The following NETO1 variants were observed in gnomAD, a reference collection of about 807,000 sequenced individuals.
NETO1 encodes the protein neuropilin and tolloid-like protein 1.
A neutral mutation model predicts 61.3 loss-of-function variants in NETO1; 26 were observed. That is an observed-to-expected ratio of 0.42 (90% CI 0.31 to 0.59). The LOEUF is 0.59. NETO1 is among the 20% of genes least tolerant of loss of function. The probability of loss-of-function intolerance (pLI) is 0.12; values close to 1 mark genes in which losing one functional copy is unlikely to be tolerated. For missense variants in NETO1, 531 were observed against 662.8 expected (o/e 0.80, Z 2.18); for synonymous variants, 225 against 225.8 (o/e 1.00, Z 0.03).
At chr18:72,764,015 C>CT (rs2071069739) in intron 7 of NETO1, among the ~76,000 whole-genome samples, 1 of 152,096 alleles carries the variant, frequency 6.6e-6, no homozygotes, top group Admixed American at 6.5e-5. Context: ...ACCATCAGTT[C>CT]TCATGAGAAC....
intron 4 of NETO1, among the ~76,000 whole-genome samples, chr18:72,825,592 C>T (rs547036223): frequency 6.6e-6 from 1 of 151,610 alleles, no homozygotes; most frequent in South Asian, 2.1e-4. Flanking sequence ...AACATTTATT[C>T]TACTATTATT....
chr18:72,814,300 T>C (rs1780417171), intron 4 of NETO1, among the ~76,000 whole-genome samples: 1 of 152,090 alleles, frequency 6.6e-6, no homozygotes, highest in Admixed American at 6.6e-5. Context: ...AGATTCTGTG[T>C]TTTTCAAGGG....
chr18:72,862,614 T>TTTTTTTC (rs1246386075), intron 3 of NETO1, among the ~76,000 whole-genome samples: 62 of 106,300 alleles, frequency 5.8e-4, no homozygotes, highest in African/African-American at 1.8e-3. Context: ...TCATGATCCT[T>TTTTTTTC]TTTTTTTCTT....
At chr18:72,757,303 A>G (rs1020643521) in intron 7 of NETO1, among the ~76,000 whole-genome samples, 1 of 152,112 alleles carries the variant, frequency 6.6e-6, no homozygotes, top group African/African-American at 2.4e-5. Flanking sequence ...CTTCTTTACT[A>G]TATTTGCTAC....
At chr18:72,743,670 T>C (rs950867033), downstream of NETO1, 2 of 152,192 alleles carry the variant, frequency 1.3e-5, no homozygotes, top group Non-Finnish European at 2.9e-5. Flanking sequence ...GGAAGGAGCT[T>C]GGTAGACAGA....
At chr18:72,803,487 G>T (rs1160984665) in intron 4 of NETO1, among the ~76,000 whole-genome samples, 7 of 152,170 alleles carry the variant, frequency 4.6e-5, no homozygotes, top group Admixed American at 4.6e-4. Flanking sequence ...GAGCTTTGGT[G>T]TAGTACAAAA....
intron 4 of NETO1, among the ~76,000 whole-genome samples, chr18:72,857,628 C>T (rs1342355034): frequency 7.9e-5 from 12 of 152,182 alleles, no homozygotes; most frequent in Admixed American, 7.9e-4. Context: ...TTCCCATTTA[C>T]AACTCTAGCA....
chr18:72,839,986 G>C (rs896702845), intron 4 of NETO1, among the ~76,000 whole-genome samples: 11 of 152,206 alleles, frequency 7.2e-5, no homozygotes, highest in Non-Finnish European at 7.3e-5. Context: ...AAAGAACGCT[G>C]CGATGCTGTT....
intron 6 of NETO1, among the ~76,000 whole-genome samples, chr18:72,790,099 A>G (rs1331215456): frequency 6.6e-6 from 1 of 152,196 alleles, no homozygotes; most frequent in African/African-American, 2.4e-5. Context: ...AGTCAACTTT[A>G]AATATGAAAT....
rs565125500 is a variant in NETO1 at position 72,808,776 on chromosome 18, T to C, written c.470-14372A>G. Among the ~76,000 whole-genome samples, 6 of 152,352 alleles carry C rather than the reference T, an allele frequency of 3.9e-5. No homozygotes were observed. In the South Asian group the frequency reaches 1.2e-3, roughly 32 times the overall value. ...CCTTCTAAATAGAGCTGGAGCAGCC[T>C]CTTGCTGGAAACTTTAGCAGTGTTC... is the stretch of plus-strand genomic sequence containing the variant. On this transcript the variant is annotated intron_variant, in intron 4 of 10. Transcript: ENST00000327305.
At chr18:72,818,911 A>C (rs1427637352) in intron 4 of NETO1, among the ~76,000 whole-genome samples, 2 of 152,216 alleles carry the variant, frequency 1.3e-5, no homozygotes, top group Non-Finnish European at 2.9e-5. Flanking sequence ...ATATATCAAA[A>C]TGGAAATATA....
intron 4 of NETO1, among the ~76,000 whole-genome samples, chr18:72,810,674 AG>A (rs1277084496): frequency 7.9e-5 from 12 of 152,238 alleles, no homozygotes; most frequent in Non-Finnish European, 1.3e-4. Flanking sequence ...ATTCTGCTTA[AG>A]ACACAGCTGT....
chr18:72,799,578 G>A (rs1195888395), intron 4 of NETO1, among the ~76,000 whole-genome samples: 1 of 152,208 alleles, frequency 6.6e-6, no homozygotes, highest in Non-Finnish European at 1.5e-5. Flanking sequence ...CACTGTGTCA[G>A]CCATACAGAA....
intron 7 of NETO1, among the ~76,000 whole-genome samples, chr18:72,767,338 C>A (rs1162645965): frequency 1.3e-5 from 2 of 152,080 alleles, no homozygotes; most frequent in African/African-American, 4.8e-5. Context: ...TGTATTATTC[C>A]CAATGATTCT....
chr18:72,757,950 G>A (rs940816555), intron 7 of NETO1, among the ~76,000 whole-genome samples: 10 of 152,132 alleles, frequency 6.6e-5, no homozygotes, highest in Admixed American at 6.5e-5. Context: ...TGTAGTATAC[G>A]TTTTGAAAGT....
At chr18:72,844,974 C>G (rs1404198184) in intron 4 of NETO1, among the ~76,000 whole-genome samples, 1 of 152,236 alleles carries the variant, frequency 6.6e-6, no homozygotes, top group Non-Finnish European at 1.5e-5. Flanking sequence ...TTACCCACTT[C>G]TCCTCCAGGT....
intron 7 of NETO1, among the ~76,000 whole-genome samples, chr18:72,762,563 TG>T (rs1430688543): frequency 6.6e-6 from 1 of 152,204 alleles, no homozygotes; most frequent in African/African-American, 2.4e-5. Context: ...TAAGTTTGCA[TG>T]AAAAAATACG....
chr18:72,852,793 G>T (rs541304032), intron 4 of NETO1, among the ~76,000 whole-genome samples: 120 of 150,522 alleles, frequency 8.0e-4, no homozygotes, highest in African/African-American at 2.7e-3. Context: ...TGAATATCTT[G>T]ATTATTCAAA....
intron 4 of NETO1, among the ~76,000 whole-genome samples, chr18:72,842,856 A>T (rs2073976862): frequency 6.6e-6 from 1 of 152,220 alleles, no homozygotes; most frequent in African/African-American, 2.4e-5. Flanking sequence ...CTATAAACTA[A>T]AATGAAACAA....
Sources: allele counts gnomAD v4.1 joint callset (sites outside exome capture counted in the v4.1 genomes callset), GRCh38; gene constraint gnomAD v4.1.1; transcripts MANE v1.5; gene names NCBI Gene and HGNC (gene_info 2026-07-23, HGNC 2026-07-21).